IL16: variants seen among roughly 807,000 people sequenced by gnomAD.
The protein encoded by IL16 is interleukin 16.
In IL16, 67 loss-of-function variants were observed where a neutral mutation model predicts 110.1. That is an observed-to-expected ratio of 0.61 (90% CI 0.50 to 0.75). IL16 has a LOEUF of 0.75. IL16 is among the 30% of genes least tolerant of loss of function. IL16 has a pLI of 0.00. For synonymous variants in IL16, 689 were observed against 662.9 expected, an observed-to-expected ratio of 1.04 and a Z score of -0.61; for missense variants, 1,545 against 1,655.0, an observed-to-expected ratio of 0.93 and a Z score of 1.15.
intron 9 of IL16, among the ~76,000 whole-genome samples, chr15:81,283,363 A>C (rs1183684774): frequency 6.9e-6 from 1 of 144,222 alleles, no homozygotes; most frequent in Non-Finnish European, 1.6e-5. Flanking sequence ...AAAAACCCCA[A>C]AAACCAAACA....
At chr15:81,233,320 C>A (rs1027863748) in intron 2 of IL16, among the ~76,000 whole-genome samples, 5 of 152,026 alleles carry the variant, frequency 3.3e-5, no homozygotes, top group African/African-American at 1.2e-4. Flanking sequence ...TTGATGCAAA[C>A]CATTAACGTT....
At chr15:81,205,029 G>A (rs1334451314) in intron 1 of IL16, among the ~76,000 whole-genome samples, 3 of 152,024 alleles carry the variant, frequency 2.0e-5, no homozygotes, top group South Asian at 2.1e-4. Context: ...ATCTTAGACC[G>A]GGCGCAGTGG....
At chr15:81,245,285 G>C (rs933659187) in intron 2 of IL16, among the ~76,000 whole-genome samples, 1 of 152,120 alleles carries the variant, frequency 6.6e-6, no homozygotes, top group Non-Finnish European at 1.5e-5. Flanking sequence ...TTCCATTTTA[G>C]CTGCCTTTGA....
intron 8 of IL16, among the ~76,000 whole-genome samples, chr15:81,280,222 G>C (rs531006700): frequency 6.6e-6 from 1 of 152,188 alleles, no homozygotes; most frequent in Non-Finnish European, 1.5e-5. Context: ...CCCCCCAGGT[G>C]GGGGCTCGGA....
intron 2 of IL16, among the ~76,000 whole-genome samples, chr15:81,233,328 G>A (rs912738217): frequency 2.6e-5 from 4 of 152,024 alleles, no homozygotes; most frequent in Middle Eastern, 3.4e-3. Flanking sequence ...AACCATTAAC[G>A]TTACTCACAT....
At position 81,300,250 on chromosome 15, in the gene IL16, G is replaced by A. The variant is rs555855132; in HGVS notation, c.2924G>A (p.Cys975Tyr). 6.2e-7 allele frequency: 1 copy of A among 1,614,246 alleles called. No individual in the cohort carries two copies. Among genetic ancestry groups the A allele is most frequent in the East Asian group, 2.2e-5 (1 of 44,880 alleles). The change falls in exon 14 of 19, where the codon TGT becomes TAT. Residue 975 changes from cysteine to tyrosine, a missense_variant. Around this residue, in one of 3 missense-constraint regions of IL16, gnomAD observed 1,185 missense variants for 1,238.8 expected, o/e 0.96. Coordinates refer to ENST00000683961, the MANE Select transcript of IL16 (RefSeq NM_172217.5). The stretch of plus-strand genomic sequence containing the variant: ...TTCCCCCTGACCAGGTCCCAGTCCT[G>A]TGAGACGAAGCTACTTGACGAAAAG... ...RSFPLTRSQSCETKLLDEKTS... is the reference protein window; with the variant it reads ...RSFPLTRSQSYETKLLDEKTS...
At position 81,310,747 on chromosome 15, in the gene IL16, AGAAGGTGGGTTTTCATCAAGACTG is replaced by A. The variant is rs553430515; in HGVS notation, c.*1959_*1982del. The A allele has an allele frequency of 2.0e-5, 3 of 152,326 alleles. No homozygotes were observed. The East Asian group carries it at 5.8e-4, about 29-fold the overall frequency. The allele number at this position is 152,326 out of a possible 1,614,324, so 9.4% of individuals were successfully genotyped here. A position where few individuals can be genotyped will look rare whatever the true frequency, so the allele number is the denominator to read the frequency against. ...TTATCAAGCAGCCAAGGGATGAAAGAGAAGGTGGGTTTTCATCAAGACTGGAAGGTGGGGACAGGGATGAGCATG... is the reference window on the plus strand; with the variant it reads ...TTATCAAGCAGCCAAGGGATGAAAGAGAAGGTGGGGACAGGGATGAGCATG... On this transcript the variant is annotated 3_prime_UTR_variant, in exon 19 of 19. Transcript: ENST00000683961.
intron 1 of IL16, among the ~76,000 whole-genome samples, chr15:81,222,374 G>GTT (rs3086708): frequency 6.6e-5 from 9 of 137,024 alleles, no homozygotes; most frequent in African/African-American, 5.4e-5. Flanking sequence ...TTCCAGGAGG[G>GTT]TTTTTTTTTT....
At chr15:81,191,855 G>A (rs566343490) in intron 1 of IL16, among the ~76,000 whole-genome samples, 23 of 152,300 alleles carry the variant, frequency 1.5e-4, no homozygotes, top group African/African-American at 5.1e-4. Flanking sequence ...GGGATGCAGC[G>A]AGCAGGAGAG....
intron 1 of IL16, among the ~76,000 whole-genome samples, chr15:81,217,024 A>G (rs1350284401): frequency 7.3e-6 from 1 of 137,736 alleles, no homozygotes; most frequent in Non-Finnish European, 1.5e-5. Context: ...TTGAAGATAG[A>G]AAAAAAATAA....
intron 2 of IL16, among the ~76,000 whole-genome samples, 157 bp downstream of exon 2, chr15:81,225,868 G>A (rs980618): frequency 0.39 from 58,991 of 152,002 alleles, 14,376 homozygotes; most frequent in East Asian, 0.7. Context: ...CACTGGAACT[G>A]TAACAATGAG....
chr15:81,230,464 T>C (rs1445475616), intron 2 of IL16, among the ~76,000 whole-genome samples: 5 of 152,222 alleles, frequency 3.3e-5, no homozygotes, highest in African/African-American at 1.2e-4. Flanking sequence ...AGGGACTTGT[T>C]ATGAGCTGTC....
At chr15:81,279,907 T>G (rs1281612855) in intron 8 of IL16, 133 bp downstream of exon 8, 3 of 729,264 alleles carry the variant, frequency 4.1e-6, no homozygotes, top group Non-Finnish European at 7.0e-6. Context: ...AGCTACTGCT[T>G]GGAGCCAGGT....
chr15:81,285,800 C>T lies in IL16; in HGVS notation c.1302C>T (p.Pro434=), dbSNP rs770403541. The T allele has an allele frequency of 4.3e-6, 7 of 1,614,206 alleles. No homozygotes were observed. Among genetic ancestry groups the T allele is most frequent in the Non-Finnish European group, 5.9e-6 (7 of 1,180,040 alleles). ...ILSHCDPGPV[P]IIVSRHPDPQ... Reference sequence around the variant, plus strand: ...GTCACTGTGATCCCGGTCCAGTCCCCATCATTGTTAGCCGACATCCAGACC... The same window carrying T: ...GTCACTGTGATCCCGGTCCAGTCCCTATCATTGTTAGCCGACATCCAGACC... Residue 434 remains proline, a synonymous_variant, in exon 10 of 19, where the codon CCC becomes CCT. Coordinates refer to ENST00000683961, the MANE Select transcript of IL16 (RefSeq NM_172217.5).
At chr15:81,292,488 G>A in intron 11 of IL16, 68 bp from the exon 12 acceptor site, 1 of 1,610,662 alleles carries the variant, frequency 6.2e-7, no homozygotes, top group Non-Finnish European at 8.5e-7. Context: ...GCAGTCACAG[G>A]TGAGGCCAGG....
At chr15:81,282,814 C>T in intron 9 of IL16, 58 bp downstream of exon 9, 1 of 1,214,614 alleles carries the variant, frequency 8.2e-7, no homozygotes, top group South Asian at 1.2e-5. Context: ...GAAAGAAATA[C>T]CTTAGAATGT....
At chr15:81,233,880 G>T (rs1897096856) in intron 2 of IL16, among the ~76,000 whole-genome samples, 1 of 151,964 alleles carries the variant, frequency 6.6e-6, no homozygotes, top group African/African-American at 2.4e-5. Flanking sequence ...GCATGTTAAA[G>T]CCTCTCATTA....
At position 81,265,864 on chromosome 15, in the gene IL16, C is replaced by A. The variant is rs1898358864; in HGVS notation, c.564+63C>A. 6.0e-6 allele frequency: 9 copies of A among 1,493,178 alleles called. No homozygotes were observed. The Admixed American group carries it at 1.5e-4, about 24-fold the overall frequency. The allele number at this position is 1,493,178 out of a possible 1,614,324, so 92.5% of individuals were successfully genotyped here. A position where few individuals can be genotyped will look rare whatever the true frequency, so the allele number is the denominator to read the frequency against. Reference sequence around the variant, plus strand: ...TCCCGGGGAGAAGGGAGGGGCCCAACATTAACAGTGGCTGAAGAGGCCTTC... The same window carrying A: ...TCCCGGGGAGAAGGGAGGGGCCCAAAATTAACAGTGGCTGAAGAGGCCTTC... On this transcript the variant is annotated intron_variant, in intron 4 of 18. Transcript: ENST00000683961.
intron 2 of IL16, among the ~76,000 whole-genome samples, chr15:81,231,324 G>GTGTCTCTCTCTCTCTCTCTC (rs1896966854): frequency 2.1e-5 from 1 of 47,126 alleles, no homozygotes; most frequent in Non-Finnish European, 4.2e-5. Flanking sequence ...AGGTCGGTCT[G>GTGTCTCTCTCTCTCTCTCTC]TCTCTCTCTC....
Sources: allele counts gnomAD v4.1 joint callset (sites outside exome capture counted in the v4.1 genomes callset), GRCh38; gene constraint gnomAD v4.1.1; regional missense constraint gnomAD v4.1.1; transcripts MANE v1.5; gene names NCBI Gene and HGNC (gene_info 2026-07-23, HGNC 2026-07-21).